The following USP18 variants were observed in gnomAD, a reference collection of about 807,000 sequenced individuals.
USP18 encodes the protein ubiquitin specific peptidase 18.
A neutral mutation model predicts 48.7 loss-of-function variants in USP18; 11 were observed. The observed-to-expected ratio is 0.23, with a 90% confidence interval of 0.14 to 0.37. The LOEUF (loss-of-function observed/expected upper bound fraction) is 0.37, where lower values mean the gene tolerates loss of function less well. USP18 is among the 10% of genes least tolerant of loss of function. USP18 has a pLI of 1.00. For missense variants in USP18, 285 were observed against 436.4 expected, an observed-to-expected ratio of 0.65 and a Z score of 3.09; for synonymous variants, 114 against 163.2, an observed-to-expected ratio of 0.70 and a Z score of 2.30.
At chr22:18,159,924 G>A (rs1445649867) in intron 2 of USP18, among the ~76,000 whole-genome samples, 3 of 151,874 alleles carry the variant, frequency 2.0e-5, no homozygotes, top group African/African-American at 7.2e-5. Flanking sequence ...TGATCTGCCC[G>A]CCTCGGCCTC....
At chr22:18,162,819 A>C (rs944963474) in intron 4 of USP18, among the ~76,000 whole-genome samples, 1 of 152,130 alleles carries the variant, frequency 6.6e-6, no homozygotes, top group Non-Finnish European at 1.5e-5. Flanking sequence ...TCTGCCATTG[A>C]CTGAAATGTT....
chr22:18,151,751 C>T (rs1409246100), intron 1 of USP18, among the ~76,000 whole-genome samples: 1 of 151,812 alleles, frequency 6.6e-6, no homozygotes, highest in Non-Finnish European at 1.5e-5. Context: ...CCGCATATTA[C>T]GATTACTCAA....
intron 1 of USP18, among the ~76,000 whole-genome samples, chr22:18,155,823 G>A (rs1036226466): frequency 9.2e-5 from 14 of 152,328 alleles, no homozygotes; most frequent in Admixed American, 8.5e-4. Flanking sequence ...CGCCGCTCCC[G>A]GCTCCACGCC....
chr22:18,173,104 G>C (rs771928722), intron 8 of USP18, 46 bp from the exon 9 acceptor site: 1 of 1,603,632 alleles, frequency 6.2e-7, no homozygotes, highest in Non-Finnish European at 8.5e-7. Flanking sequence ...TGAGGCAGTC[G>C]TGTTTGTGGT....
intron 8 of USP18, among the ~76,000 whole-genome samples, chr22:18,171,723 T>C (rs1161557323): frequency 6.6e-6 from 1 of 152,170 alleles, no homozygotes; most frequent in African/African-American, 2.4e-5. Flanking sequence ...TGTATTCCTG[T>C]ATGTACGGGT....
chr22:18,153,353 C>A (rs977259621), intron 1 of USP18, among the ~76,000 whole-genome samples: 1 of 148,868 alleles, frequency 6.7e-6, no homozygotes, highest in Non-Finnish European at 1.5e-5. Context: ...TGCTTGAACT[C>A]GGGAGGCAGA....
At position 18,173,778 on chromosome 22, in the gene USP18, G is replaced by A; in HGVS notation, c.1024-15G>A. The A allele has an allele frequency of 6.2e-7, 1 of 1,606,838 alleles. No homozygotes were observed. Among genetic ancestry groups the A allele is most frequent in the African/African-American group, 1.3e-5 (1 of 74,836 alleles). ...GTCAGCTGGCTGCTTGACCCCATTT[G>A]TTTCTGGCTTCCAGGTGTCCTGGGA... On this transcript the variant is annotated splice_polypyrimidine_tract_variant and intron_variant, in intron 9 of 10. Transcript: ENST00000215794.
intron 8 of USP18, among the ~76,000 whole-genome samples, chr22:18,172,584 T>C (rs1333808976): frequency 6.6e-6 from 1 of 151,502 alleles, no homozygotes; most frequent in Non-Finnish European, 1.5e-5. Context: ...CAGCACTGGC[T>C]GGTTGATATC....
intron 6 of USP18, among the ~76,000 whole-genome samples, chr22:18,168,826 T>G (rs1363989696): frequency 6.6e-6 from 1 of 152,204 alleles, no homozygotes; most frequent in Non-Finnish European, 1.5e-5. Context: ...CTCTTTGATC[T>G]ATCTCTGGCT....
chr22:18,170,675 C>T lies in USP18; in HGVS notation c.724-78C>T, dbSNP rs188898996. 1,816 of 1,543,522 alleles carry T rather than the reference C, an allele frequency of 1.2e-3. 31 individuals are homozygous for T. In the African/African-American group the frequency reaches 0.024, roughly 21 times the overall value. On this transcript the variant is annotated intron_variant, in intron 7 of 10. Transcript: ENST00000215794. ...CCCGCTCCCCTCTTTTTGGGAAGAACGCGTTGCTAGCCCTGACATTTCTCT... is the reference window on the plus strand; with the variant it reads ...CCCGCTCCCCTCTTTTTGGGAAGAATGCGTTGCTAGCCCTGACATTTCTCT...
chr22:18,173,257 C>T lies in USP18; in HGVS notation c.999C>T (p.Cys333=). The T allele has an allele frequency of 6.3e-7, 1 of 1,589,122 alleles. No homozygotes were observed. The highest frequency in any genetic ancestry group is 1.7e-4 in the Middle Eastern group (1 of 5,942). ...ATGCTGTGGATGGAAAATGGTTCTGCTTCAATGACTCCAATATTTGCTTGG... is the reference window on the plus strand; with the variant it reads ...ATGCTGTGGATGGAAAATGGTTCTGTTTCAATGACTCCAATATTTGCTTGG... ...IRNAVDGKWF[C]FNDSNICLVS... The change falls in exon 9 of 11, where the codon TGC becomes TGT. Residue 333 remains cysteine, a synonymous_variant. Transcript: ENST00000215794.
chr22:18,175,857 T>C (rs1259555418), intron 10 of USP18, among the ~76,000 whole-genome samples: 4 of 150,246 alleles, frequency 2.7e-5, no homozygotes, highest in Non-Finnish European at 5.9e-5. Flanking sequence ...TACACATCCA[T>C]AGTCCTAGCT....
intron 2 of USP18, among the ~76,000 whole-genome samples, chr22:18,159,893 G>A (rs1409133087): frequency 2.6e-5 from 4 of 151,998 alleles, no homozygotes; most frequent in African/African-American, 9.7e-5. Context: ...TAGCCAGGAT[G>A]GTCTCGATCT....
intron 4 of USP18, among the ~76,000 whole-genome samples, chr22:18,162,702 G>A (rs556618570): frequency 6.6e-6 from 1 of 151,788 alleles, no homozygotes; most frequent in African/African-American, 2.4e-5. Flanking sequence ...TGCATCAGAA[G>A]GTGAATTTGT....
chr22:18,169,695 C>G, intron 6 of USP18, 149 bp from the exon 7 acceptor site: 1 of 1,013,384 alleles, frequency 9.9e-7, no homozygotes. Flanking sequence ...TTCCGGTTGG[C>G]CTGCAGAACC....
At chr22:18,175,729 A>C (rs78946) in intron 10 of USP18, among the ~76,000 whole-genome samples, 8,345 of 101,330 alleles carry the variant, frequency 0.082, 25 homozygotes, top group South Asian at 0.11. Flanking sequence ...AATCCCGGCA[A>C]TTTGGGAGGC....
At chr22:18,151,867 T>G (rs1403242606) in intron 1 of USP18, among the ~76,000 whole-genome samples, 4 of 152,086 alleles carry the variant, frequency 2.6e-5, no homozygotes, top group African/African-American at 9.7e-5. Flanking sequence ...CCATCCTAGC[T>G]AACACGGTGC....
chr22:18,175,934 A>G (rs1602536017), intron 10 of USP18, among the ~76,000 whole-genome samples: 1 of 147,728 alleles, frequency 6.8e-6, no homozygotes, highest in Non-Finnish European at 1.5e-5. Context: ...GTGGTGAGCT[A>G]TTATTGTGCC....
Position 18,157,706 on chromosome 22 carries a change from A to T in USP18, c.43A>T (p.Ile15Phe), listed in dbSNP as rs1406694165. The part of the protein sequence containing the change: ...FGLLRQICQS[I>F]LAESSQSPAD... ...GCTCCTGAGGCAAATCTGTCAGTCC[A>T]TCCTGGCTGAGTCCTCGCAGTCCCC... is the stretch of plus-strand genomic sequence containing the variant. Residue 15 changes from isoleucine to phenylalanine, a missense_variant, in exon 2 of 11, where the codon ATC becomes TTC. This residue lies in a region of USP18 where 199 missense variants were observed against 239.6 expected (regional missense o/e 0.83). Transcript: ENST00000215794. The T allele has an allele frequency of 2.5e-6, 4 of 1,614,010 alleles. No individual in the cohort carries two copies. Among genetic ancestry groups the T allele is most frequent in the East Asian group, 4.5e-5 (2 of 44,882 alleles).
Sources: gnomAD v4.1 joint callset for allele counts (sites outside exome capture counted in the v4.1 genomes callset) on GRCh38, gnomAD v4.1.1 for gene constraint, gnomAD v4.1.1 regional missense constraint, MANE v1.5 for transcripts, NCBI Gene and HGNC (gene_info 2026-07-23, HGNC 2026-07-21) for gene names.